Variants in PARP8 observed in about 807,000 individuals in gnomAD.
PARP8 encodes protein mono-ADP-ribosyltransferase PARP8.
PARP8 carries 51 observed loss-of-function variants against 124.1 expected under a neutral mutation model. The observed-to-expected ratio is 0.41, with a 90% CI of 0.33 to 0.52. PARP8 has a LOEUF of 0.52. PARP8 is among the 20% of genes least tolerant of loss of function. The probability of loss-of-function intolerance (pLI) is 0.21; values close to 1 mark genes in which losing one functional copy is unlikely to be tolerated. For missense variants in PARP8, 860 were observed against 1,018.9 expected, an observed-to-expected ratio of 0.84 and a Z score of 2.12; for synonymous variants, 391 against 361.5, an observed-to-expected ratio of 1.08 and a Z score of -0.93.
rs188074320 is a variant in PARP8 at position 50,723,215 on chromosome 5, T to C, written c.147-26936T>C. Among the ~76,000 whole-genome samples the C allele has an allele frequency of 2.0e-5, 3 of 152,274 alleles. No individual in the cohort carries two copies. In the East Asian group the frequency reaches 5.8e-4, roughly 29 times the overall value. On this transcript the variant is annotated intron_variant, in intron 2 of 25. Coordinates refer to ENST00000281631, the MANE Select transcript of PARP8 (RefSeq NM_024615.4). ...AAATTAAAAAATATTTATAATTGTG[T>C]ACATCGAAAGTCTCATGTTTTACAA...
At chr5:50,739,447 C>G (rs1232170687) in intron 2 of PARP8, among the ~76,000 whole-genome samples, 1 of 151,906 alleles carries the variant, frequency 6.6e-6, no homozygotes, top group Non-Finnish European at 1.5e-5. Flanking sequence ...TCTCCTCTCG[C>G]TACATCAGCT....
At chr5:50,702,762 G>A (rs1453937711) in intron 2 of PARP8, among the ~76,000 whole-genome samples, 1 of 152,126 alleles carries the variant, frequency 6.6e-6, no homozygotes, top group African/African-American at 2.4e-5. Context: ...GCTAATTGAG[G>A]TATCACATAG....
intron 15 of PARP8, among the ~76,000 whole-genome samples, chr5:50,817,987 A>G (rs1304848351): frequency 1.3e-5 from 2 of 152,058 alleles, no homozygotes; most frequent in African/African-American, 2.4e-5. Flanking sequence ...GCTTAAACCT[A>G]ATATTTCTTT....
intron 23 of PARP8, among the ~76,000 whole-genome samples, chr5:50,833,582 T>C (rs561281178): frequency 6.6e-6 from 1 of 152,196 alleles, no homozygotes; most frequent in South Asian, 2.1e-4. Context: ...TACATGATGC[T>C]ATTAAAAAAA....
At chr5:50,726,453 T>A (rs1756438708) in intron 2 of PARP8, among the ~76,000 whole-genome samples, 1 of 152,176 alleles carries the variant, frequency 6.6e-6, no homozygotes, top group Non-Finnish European at 1.5e-5. Context: ...TCACGAACTC[T>A]AAGAGGGGAA....
chr5:50,732,253 T>C (rs192444103), intron 2 of PARP8, among the ~76,000 whole-genome samples: 3 of 152,242 alleles, frequency 2.0e-5, no homozygotes, highest in Admixed American at 6.5e-5. Context: ...CTAAGAAAGA[T>C]TGGAATTAGA....
intron 2 of PARP8, among the ~76,000 whole-genome samples, chr5:50,732,217 G>A (rs997457935): frequency 2.6e-4 from 39 of 152,090 alleles, no homozygotes; most frequent in African/African-American, 8.2e-4. Context: ...AATACAATAC[G>A]ATACATAGTA....
intron 15 of PARP8, among the ~76,000 whole-genome samples, chr5:50,819,367 A>G (rs1282869377): frequency 2.7e-5 from 4 of 150,204 alleles, no homozygotes; most frequent in Admixed American, 1.3e-4. Flanking sequence ...TAGTGAGAGC[A>G]TATCCATCTG....
chr5:50,819,321 T>TC (rs373437778), intron 15 of PARP8, among the ~76,000 whole-genome samples: 1 of 151,998 alleles, frequency 6.6e-6, no homozygotes, highest in African/African-American at 2.4e-5. Flanking sequence ...TTATAAAACT[T>TC]CAATTGCATA....
intron 2 of PARP8, among the ~76,000 whole-genome samples, chr5:50,709,079 G>T (rs2068796935): frequency 6.6e-6 from 1 of 151,984 alleles, no homozygotes; most frequent in Non-Finnish European, 1.5e-5. Context: ...TAGCCACCGT[G>T]CCAGGCCAGG....
intron 14 of PARP8, 85 bp downstream of exon 14, chr5:50,797,318 A>G: frequency 4.0e-6 from 4 of 1,010,590 alleles, no homozygotes; most frequent in East Asian, 2.7e-5. Context: ...AAGTAAATAA[A>G]TGCAGTTGAA....
At chr5:50,667,981 C>T in intron 1 of PARP8, 90 bp from the exon 2 acceptor site, 1 of 1,605,638 alleles carries the variant, frequency 6.2e-7, no homozygotes, top group Non-Finnish European at 8.5e-7. Flanking sequence ...CAGGCCTCCC[C>T]TGACACCACC....
chr5:50,826,627 A>C, intron 18 of PARP8, 128 bp from the exon 19 acceptor site: 2 of 1,182,090 alleles, frequency 1.7e-6, no homozygotes, highest in Non-Finnish European at 2.3e-6. Context: ...TTATGCGACT[A>C]AATGAAATTA....
intron 14 of PARP8, among the ~76,000 whole-genome samples, chr5:50,812,015 T>A (rs1197819476): frequency 6.6e-6 from 1 of 152,202 alleles, no homozygotes; most frequent in Non-Finnish European, 1.5e-5. Context: ...TGGTTCCAAG[T>A]CTTTGCTATT....
chr5:50,811,241 A>G (rs1744399982), intron 14 of PARP8, among the ~76,000 whole-genome samples: 1 of 152,160 alleles, frequency 6.6e-6, no homozygotes. Context: ...TCAGTTGACA[A>G]GTCAATAAAG....
chr5:50,674,882 A>T (rs1213632858), intron 2 of PARP8, among the ~76,000 whole-genome samples: 1 of 152,208 alleles, frequency 6.6e-6, no homozygotes. Context: ...GCATAGGAGG[A>T]TAGAGTGAGA....
chr5:50,834,140 A>T, intron 24 of PARP8, 92 bp downstream of exon 24: 1 of 1,019,122 alleles, frequency 9.8e-7, no homozygotes, highest in Non-Finnish European at 1.5e-6. Flanking sequence ...CTTACGGTGG[A>T]ATAGGGAAAG....
At chr5:50,778,928 A>G (rs963732902) in intron 9 of PARP8, among the ~76,000 whole-genome samples, 4 of 152,104 alleles carry the variant, frequency 2.6e-5, no homozygotes, top group Admixed American at 2.6e-4. Context: ...TGTAGTAGAA[A>G]CTCAGTAAAT....
chr5:50,693,820 A>G (rs1752747474), intron 2 of PARP8, among the ~76,000 whole-genome samples: 1 of 151,464 alleles, frequency 6.6e-6, no homozygotes, highest in African/African-American at 2.4e-5. Context: ...ATTAAATTAT[A>G]CAATCAATTA....
Sources: gnomAD v4.1 joint callset for allele counts (sites outside exome capture counted in the v4.1 genomes callset) on GRCh38, gnomAD v4.1.1 for gene constraint, MANE v1.5 for transcripts, NCBI Gene and HGNC (gene_info 2026-07-23, HGNC 2026-07-21) for gene names.